ACOT1: variants seen among roughly 807,000 people sequenced by gnomAD.
ACOT1 encodes acyl-CoA thioesterase 1, also known as acyl-coenzyme A thioesterase 1.
ACOT1 carries 8 observed loss-of-function variants against 15.7 expected under a neutral mutation model. The observed-to-expected ratio is 0.51, with a 90% confidence interval of 0.30 to 0.92. The LOEUF is 0.92. Among genes scored for constraint, ACOT1 ranks in the 40% least tolerant of loss-of-function variants. The pLI, the probability that ACOT1 is intolerant of heterozygous loss-of-function variation, is 0.06. For synonymous variants in ACOT1, 67 were observed against 241.2 expected (o/e 0.28, Z 6.69); for missense variants, 151 against 539.4 (o/e 0.28, Z 7.13).
the ACOT1 span, among the ~76,000 whole-genome samples, chr14:73,521,434 C>T: frequency 1.3e-5 from 2 of 152,220 alleles, no homozygotes; most frequent in African/African-American, 4.8e-5. Context: ...TGTCCATCCA[C>T]CTGGTGGTGG....
At chr14:73,505,217 C>T in the ACOT1 span, among the ~76,000 whole-genome samples, 1 of 152,066 alleles carries the variant, frequency 6.6e-6, no homozygotes, top group Non-Finnish European at 1.5e-5. Context: ...GTACCGGACC[C>T]CTTCACAGAA....
the ACOT1 span, among the ~76,000 whole-genome samples, chr14:73,524,836 A>G: frequency 6.6e-6 from 1 of 151,964 alleles, no homozygotes; most frequent in African/African-American, 2.4e-5. Flanking sequence ...CTATCCTGCT[A>G]GTGTCAACTC....
chr14:73,536,898 A>G (rs1454719578), upstream of ACOT1, among the ~76,000 whole-genome samples: 4 of 114,978 alleles, frequency 3.5e-5, no homozygotes, highest in Admixed American at 2.9e-4. Flanking sequence ...ATTATTCAAC[A>G]AAGTGATCAA....
the ACOT1 span, chr14:73,513,894 G>T: frequency 1.3e-6 from 1 of 796,246 alleles, no homozygotes; most frequent in Non-Finnish European, 2.1e-6. Context: ...AAAGGCTCTT[G>T]TCTAGCCTTA....
At chr14:73,491,036 A>C in the ACOT1 span, 9 of 1,561,750 alleles carry the variant, frequency 5.8e-6, no homozygotes, top group East Asian at 1.7e-4. Flanking sequence ...GCTCCAGGCC[A>C]GTGCAGGGCC....
chr14:73,504,091 T>TA, the ACOT1 span, among the ~76,000 whole-genome samples: 1 of 151,612 alleles, frequency 6.6e-6, no homozygotes, highest in Non-Finnish European at 1.5e-5. Context: ...TTTTTTTTTT[T>TA]TTTGAGACGG....
At chr14:73,526,162 A>C in the ACOT1 span, among the ~76,000 whole-genome samples, 10 of 152,098 alleles carry the variant, frequency 6.6e-5, no homozygotes, top group Non-Finnish European at 1.5e-4. Context: ...GGGATTTTGC[A>C]TTGGAACTCA....
At chr14:73,492,777 T>C in the ACOT1 span, 1 of 1,613,914 alleles carries the variant, frequency 6.2e-7, no homozygotes, top group Non-Finnish European at 8.5e-7. The surrounding 1 kb of genome is among the most constrained non-coding windows in gnomAD (Gnocchi z 4.9). Context: ...TGCTTGGAAA[T>C]ATACCCCCAG....
At position 73,541,661 on chromosome 14, in the gene ACOT1, A is replaced by G; in HGVS notation, c.626A>G (p.Glu209Gly). Residue 209 changes from glutamate (E) to glycine (G), a missense_variant, in exon 2 of 3, where the codon GAA becomes GGA. Glu to Gly is a moderately conservative substitution (Grantham distance 98). Coordinates refer to ENST00000311148, the MANE Select transcript of ACOT1 (RefSeq NM_001037161.2). Reference protein sequence around the residue: ...TMETLHLEYFEEAVNYLLSHP... With the variant: ...TMETLHLEYFGEAVNYLLSHP... ...GAGACGCTCCATCTGGAGTACTTTGAAGAAGCTGTGAACTACTTGCTCAGT... is the reference window on the plus strand; with the variant it reads ...GAGACGCTCCATCTGGAGTACTTTGGAGAAGCTGTGAACTACTTGCTCAGT... 8.0e-7 allele frequency: 1 copy of G among 1,243,256 alleles called. No individual in the cohort carries two copies. Among genetic ancestry groups the G allele is most frequent in the Non-Finnish European group, 1.1e-6 (1 of 935,946 alleles). 77.0% of individuals were successfully genotyped at this position (1,243,256 alleles called of 1,614,324 possible). A position where few individuals can be genotyped will look rare whatever the true frequency, so the allele number is the denominator to read the frequency against.
At chr14:73,502,817 G>A in the ACOT1 span, 2 of 1,073,226 alleles carry the variant, frequency 1.9e-6, no homozygotes, top group South Asian at 1.3e-5. Context: ...AAAGTGTTGG[G>A]AGCCACCTTG....
At chr14:73,498,436 C>G in the ACOT1 span, 1 of 1,123,498 alleles carries the variant, frequency 8.9e-7, no homozygotes. Context: ...ACAATACCTT[C>G]CCTTTTGGAT....
chr14:73,491,628 G>A, the ACOT1 span: 7 of 1,549,276 alleles, frequency 4.5e-6, no homozygotes, highest in Non-Finnish European at 4.4e-6. Flanking sequence ...CGAGCGGCCC[G>A]CCTCTTTGAG....
the ACOT1 span, chr14:73,522,843 G>A: frequency 6.2e-7 from 1 of 1,614,092 alleles, no homozygotes; most frequent in African/African-American, 1.3e-5. Context: ...TGGGGAGTAT[G>A]GATGATGTCA....
the ACOT1 span, chr14:73,518,998 C>A: frequency 3.1e-6 from 5 of 1,600,958 alleles, no homozygotes; most frequent in Admixed American, 6.8e-5. Flanking sequence ...TTAACCCCTG[C>A]CTTCCCTGTT....
the ACOT1 span, chr14:73,519,983 C>T: frequency 5.8e-4 from 89 of 152,304 alleles, no homozygotes; most frequent in Non-Finnish European, 3.1e-4. Flanking sequence ...AGCAAGACTC[C>T]GTCTCAATAG....
At chr14:73,535,615 C>T (rs1430092289), upstream of ACOT1, among the ~76,000 whole-genome samples, 3 of 107,832 alleles carry the variant, frequency 2.8e-5, no homozygotes, top group Non-Finnish European at 6.0e-5. Context: ...ACTACAGGCG[C>T]CTGCCACCAC....
chr14:73,519,141 C>T, the ACOT1 span: 3 of 1,613,384 alleles, frequency 1.9e-6, no homozygotes, highest in Non-Finnish European at 2.5e-6. Context: ...TTGCACCAAT[C>T]TGGTGGATGA....
the ACOT1 span, among the ~76,000 whole-genome samples, chr14:73,527,605 A>G: frequency 1.3e-5 from 2 of 152,006 alleles, no homozygotes; most frequent in South Asian, 4.2e-4. Flanking sequence ...TTGACTAAAA[A>G]ATGCATTGGA....
the ACOT1 span, among the ~76,000 whole-genome samples, chr14:73,499,528 G>A: frequency 1.3e-5 from 2 of 151,896 alleles, no homozygotes; most frequent in South Asian, 2.1e-4. Flanking sequence ...CAGAAACAGG[G>A]AAACCACTTA....
Sources: gnomAD v4.1 joint callset for allele counts (sites outside exome capture counted in the v4.1 genomes callset) on GRCh38, gnomAD v4.1.1 for gene constraint, Gnocchi (gnomAD v3.1) non-coding constraint, MANE v1.5 for transcripts, NCBI Gene and HGNC (gene_info 2026-07-23, HGNC 2026-07-21) for gene names.